The following ADGRL4 variants were observed in gnomAD, a reference collection of about 807,000 sequenced individuals.
The protein encoded by ADGRL4 is EGF, latrophilin and seven transmembrane domain containing 1.
ADGRL4 carries 90 observed loss-of-function variants against 74.8 expected under a neutral mutation model. That is an observed-to-expected ratio of 1.20 (90% CI 1.02 to 1.43). The LOEUF is 1.43. Ranked by LOEUF, ADGRL4 falls within the 40% of genes most tolerant of loss-of-function variation. ADGRL4 has a pLI of 0.00. For missense variants in ADGRL4, 881 were observed against 814.3 expected, an observed-to-expected ratio of 1.08 and a Z score of -1.00; for synonymous variants, 311 against 279.2, an observed-to-expected ratio of 1.11 and a Z score of -1.14.
At chr1:78,914,281 T>C (rs75824312) in intron 12 of ADGRL4, among the ~76,000 whole-genome samples, 1,644 of 152,070 alleles carry the variant, frequency 0.011, 27 homozygotes, top group African/African-American at 0.037. Context: ...GTATGACTTA[T>C]ATTGTAATTA....
At chr1:78,895,114 G>A (rs550184782) in intron 12 of ADGRL4, among the ~76,000 whole-genome samples, 2 of 152,052 alleles carry the variant, frequency 1.3e-5, no homozygotes, top group South Asian at 2.1e-4. Context: ...GCAAGTGGGA[G>A]ACTAATTCTT....
chr1:78,948,896 A>G (rs1227605378), intron 2 of ADGRL4, among the ~76,000 whole-genome samples: 1 of 152,128 alleles, frequency 6.6e-6, no homozygotes, highest in Non-Finnish European at 1.5e-5. Context: ...AAATTAATCA[A>G]AAAGTCAGGA....
chr1:78,951,776 C>G (rs1278292559), intron 2 of ADGRL4, among the ~76,000 whole-genome samples: 2 of 152,130 alleles, frequency 1.3e-5, no homozygotes, highest in African/African-American at 2.4e-5. Context: ...AGTTTTTATG[C>G]TTAAGACTGT....
chr1:78,946,672 A>T (rs182246476), intron 2 of ADGRL4, among the ~76,000 whole-genome samples: 201 of 152,314 alleles, frequency 1.3e-3, no homozygotes, highest in African/African-American at 4.7e-3. Context: ...TATAACTATT[A>T]AATCTATATG....
intron 2 of ADGRL4, among the ~76,000 whole-genome samples, chr1:78,965,022 T>G (rs1208411887): frequency 2.3e-4 from 1 of 4,322 alleles, no homozygotes; most frequent in Admixed American, 5.9e-3. Flanking sequence ...CTGTAAATAG[T>G]CTTAAAAAAA....
intron 8 of ADGRL4, among the ~76,000 whole-genome samples, chr1:78,923,904 G>A (rs2100674844): frequency 6.6e-6 from 1 of 151,928 alleles, no homozygotes; most frequent in East Asian, 1.9e-4. Context: ...TACAGGGAGA[G>A]ATTACCAAGA....
chr1:78,941,976 G>C (rs1024091455), intron 3 of ADGRL4, among the ~76,000 whole-genome samples: 1 of 151,774 alleles, frequency 6.6e-6, no homozygotes, highest in Non-Finnish European at 1.5e-5. Flanking sequence ...GAGGCGGGTG[G>C]ATCACGAGGT....
At chr1:78,970,161 G>C (rs139226888) in intron 2 of ADGRL4, among the ~76,000 whole-genome samples, 1 of 152,152 alleles carries the variant, frequency 6.6e-6, no homozygotes, top group Non-Finnish European at 1.5e-5. Flanking sequence ...GCTGGCTTAT[G>C]TTAAGGAGTC....
Position 78,891,005 on chromosome 1 carries a change from C to T in ADGRL4, c.*149G>A, listed in dbSNP as rs944053207. 10 of 770,398 alleles carry T rather than the reference C, an allele frequency of 1.3e-5. No homozygotes were observed. The highest frequency in any genetic ancestry group is 1.8e-5 in the Non-Finnish European group (8 of 444,182). The allele number at this position is 770,398 out of a possible 1,614,324, so 47.7% of individuals were successfully genotyped here. ...AATTTTACCTTATTATCTACAGTTC[C>T]TATAGCATAAACAGAAAAACTGATT... On this transcript the variant is annotated 3_prime_UTR_variant, in exon 15 of 15. Transcript: ENST00000370742.
At chr1:78,968,426 G>C (rs1650098887) in intron 2 of ADGRL4, among the ~76,000 whole-genome samples, 1 of 144,136 alleles carries the variant, frequency 6.9e-6, no homozygotes, top group South Asian at 2.2e-4. Flanking sequence ...TAAATAGCTT[G>C]TTTACTCATG....
intron 6 of ADGRL4, 146 bp from the exon 7 acceptor site, chr1:78,936,557 G>A: frequency 1.3e-6 from 1 of 759,448 alleles, no homozygotes; most frequent in South Asian, 2.3e-5. Flanking sequence ...TAATGTGTTT[G>A]GACAATGTAA....
chr1:78,949,326 A>G (rs1474957337), intron 2 of ADGRL4, among the ~76,000 whole-genome samples: 1 of 152,038 alleles, frequency 6.6e-6, no homozygotes, highest in African/African-American at 2.4e-5. Flanking sequence ...AAAAAACAAA[A>G]GTTGATATTA....
chr1:78,905,909 T>C (rs1019676313), intron 12 of ADGRL4, among the ~76,000 whole-genome samples: 1 of 151,990 alleles, frequency 6.6e-6, no homozygotes, highest in African/African-American at 2.4e-5. Flanking sequence ...CATAATAGTA[T>C]AGAATTAGAA....
At chr1:78,948,578 T>G (rs1649659569) in intron 2 of ADGRL4, among the ~76,000 whole-genome samples, 1 of 152,214 alleles carries the variant, frequency 6.6e-6, no homozygotes, top group Non-Finnish European at 1.5e-5. Flanking sequence ...ATGAATAGTC[T>G]TCTATAAAAT....
intron 12 of ADGRL4, among the ~76,000 whole-genome samples, chr1:78,896,256 C>A (rs1648396751): frequency 6.6e-6 from 1 of 152,058 alleles, no homozygotes; most frequent in Admixed American, 6.6e-5. Context: ...ATTATTTGAT[C>A]TACTAATTCA....
In ADGRL4 at chr1:79,005,166, G is replaced by A. The variant is rs1557528012; in HGVS notation, c.76C>T (p.Pro26Ser). Residue 26 changes from proline (P) to serine (S), a missense_variant, in exon 2 of 15, where the codon CCT becomes TCT. Physicochemically the swap from Pro to Ser is moderately conservative, Grantham distance 74. Transcript: ENST00000370742. ...CSYTQNCTKT[P>S]CLPNAKCEIR... ...TCACATTTTGCATTTGGGAGACAAG[G>A]TGTCTTGGTGCAATTTTGAGTATAG... 1 of 1,613,562 alleles carries A rather than the reference G, an allele frequency of 6.2e-7. No homozygotes were observed. Among genetic ancestry groups the A allele is most frequent in the East Asian group, 2.2e-5 (1 of 44,798 alleles).
chr1:78,912,497 G>A (rs1024093819), intron 12 of ADGRL4, among the ~76,000 whole-genome samples: 3 of 151,808 alleles, frequency 2.0e-5, no homozygotes, highest in Non-Finnish European at 4.4e-5. Context: ...ATTGTGCAAT[G>A]TGCATGCAAG....
intron 2 of ADGRL4, among the ~76,000 whole-genome samples, chr1:78,967,053 C>T (rs891750288): frequency 6.6e-6 from 1 of 151,868 alleles, no homozygotes; most frequent in African/African-American, 2.4e-5. Context: ...ATTAATTGGC[C>T]TAAAGGAAGA....
chr1:78,964,056 G>C (rs944610595), intron 2 of ADGRL4, among the ~76,000 whole-genome samples: 2 of 152,130 alleles, frequency 1.3e-5, no homozygotes, highest in African/African-American at 4.8e-5. Context: ...TTAACTAACA[G>C]TTCAGAACCT....
Sources: allele counts gnomAD v4.1 joint callset (sites outside exome capture counted in the v4.1 genomes callset), GRCh38; gene constraint gnomAD v4.1.1; transcripts MANE v1.5; gene names NCBI Gene and HGNC (gene_info 2026-07-23, HGNC 2026-07-21).